Variants in NOSTRIN observed in about 807,000 individuals in gnomAD.
NOSTRIN encodes the protein BM247 homolog.
Under a neutral mutation model 59.0 loss-of-function variants are expected in NOSTRIN, and 63 were observed. That is an observed-to-expected ratio of 1.07 (90% CI 0.87 to 1.32). The LOEUF is 1.32. Ranked by LOEUF, NOSTRIN falls within the 40% of genes most tolerant of loss-of-function variation. NOSTRIN has a pLI of 0.00. For missense variants in NOSTRIN, 512 were observed against 473.1 expected (o/e 1.08, Z -0.76); for synonymous variants, 200 against 165.4 (o/e 1.21, Z -1.61).
chr2:168,853,267 T>C, intron 10 of NOSTRIN, among the ~76,000 whole-genome samples: 1 of 152,236 alleles, frequency 6.6e-6, no homozygotes, highest in East Asian at 1.9e-4. Flanking sequence ...ATAGTCATTG[T>C]CAATAAGTGT....
intron 4 of NOSTRIN, 30 bp from the exon 5 acceptor site, chr2:168,828,390 G>A: frequency 2.3e-6 from 2 of 867,426 alleles, no homozygotes; most frequent in Non-Finnish European, 4.0e-6. Flanking sequence ...CTGATATTAT[G>A]CTTATGTGTC....
intron 15 of NOSTRIN, chr2:168,863,561 T>A: frequency 1.0e-6 from 1 of 985,334 alleles, no homozygotes; most frequent in Non-Finnish European, 1.2e-6. Context: ...TTTATTTGAA[T>A]CATTGCTTTA....
chr2:168,820,983 G>A lies in NOSTRIN; in HGVS notation c.114-3651G>A, dbSNP rs116577451. Among the ~76,000 whole-genome samples the A allele has an allele frequency of 5.4e-3, 824 of 152,318 alleles. 12 individuals are homozygous for A. The highest frequency in any genetic ancestry group is 0.019 in the African/African-American group (770 of 41,572). On this transcript the variant is annotated intron_variant, in intron 2 of 15. Coordinates refer to ENST00000317647, the MANE Select transcript of NOSTRIN (RefSeq NM_001039724.4). ...TTCCTGTTAAAAACCATTCAGGATT[G>A]TTCTGGAGCCAACGGACAAGAAAAC...
At chr2:168,814,579 A>G (rs1209697687) in intron 2 of NOSTRIN, among the ~76,000 whole-genome samples, 1 of 152,252 alleles carries the variant, frequency 6.6e-6, no homozygotes, top group Non-Finnish European at 1.5e-5. Context: ...GTAATGGGAA[A>G]CCCAATAAGA....
chr2:168,811,751 G>A (rs1686147856), intron 2 of NOSTRIN, 99 bp downstream of exon 2: 8 of 550,924 alleles, frequency 1.5e-5, no homozygotes, highest in South Asian at 5.4e-5. Context: ...TTTCCAGAAT[G>A]TGGTGTTATA....
intron 1 of NOSTRIN, among the ~76,000 whole-genome samples, chr2:168,802,883 C>T (rs1685666816): frequency 1.3e-5 from 2 of 152,200 alleles, no homozygotes. Context: ...TAATTGTCAT[C>T]TTTCCTTCTC....
At chr2:168,863,705 G>T (rs534771) in intron 15 of NOSTRIN, 793,072 of 955,926 alleles carry the variant, frequency 0.83, 329,413 homozygotes, top group South Asian at 0.9. Context: ...TGAAATCAGG[G>T]ATAATGCAGA....
At chr2:168,859,307 A>T in intron 12 of NOSTRIN, 1 of 601,174 alleles carries the variant, frequency 1.7e-6, no homozygotes, top group East Asian at 3.2e-5. Context: ...AATGAGACAC[A>T]CTCAACAACT....
intron 5 of NOSTRIN, among the ~76,000 whole-genome samples, chr2:168,830,561 T>G (rs570956018): frequency 6.6e-6 from 1 of 152,354 alleles, no homozygotes; most frequent in East Asian, 1.9e-4. Context: ...GAATAACGGC[T>G]GATCTGCTGG....
upstream of NOSTRIN, among the ~76,000 whole-genome samples, chr2:168,794,621 G>A (rs55799749): frequency 0.084 from 12,837 of 152,236 alleles, 690 homozygotes; most frequent in Middle Eastern, 0.12. Context: ...AAAGTGCTAG[G>A]CTTACAGGCG....
intron 11 of NOSTRIN, chr2:168,855,772 G>A: frequency 2.4e-6 from 1 of 413,308 alleles, no homozygotes; most frequent in Non-Finnish European, 4.5e-6. Flanking sequence ...TAATGTGTTT[G>A]GTTTAAAACA....
chr2:168,820,684 G>A (rs1179150354), intron 2 of NOSTRIN, among the ~76,000 whole-genome samples: 6 of 145,532 alleles, frequency 4.1e-5, no homozygotes, highest in African/African-American at 2.6e-5. Flanking sequence ...AGAGAAAGCC[G>A]GCAGAAACAC....
chr2:168,827,356 T>G (rs1687113701), intron 3 of NOSTRIN, among the ~76,000 whole-genome samples: 1 of 152,164 alleles, frequency 6.6e-6, no homozygotes. Context: ...ATTAACTATC[T>G]GAGCTGTTGT....
chr2:168,828,141 C>CT lies in NOSTRIN; in HGVS notation c.198-9dup, dbSNP rs754502890. ...AAATGACACTCACCTTTGTTCCCCA[C>CT]TTTTTTTTGCCTTTAGTTGTGTTAG... On this transcript the variant is annotated splice_polypyrimidine_tract_variant and intron_variant, in intron 3 of 15. Coordinates refer to ENST00000317647, the MANE Select transcript of NOSTRIN (RefSeq NM_001039724.4). The CT allele has an allele frequency of 1.1e-4, 97 of 870,806 alleles. No homozygotes were observed. The highest frequency in any genetic ancestry group is 1.1e-3 in the African/African-American group (66 of 61,286). 53.9% of individuals were successfully genotyped at this position (870,806 alleles called of 1,614,324 possible).
upstream of NOSTRIN, among the ~76,000 whole-genome samples, chr2:168,800,516 G>T (rs1038049800): frequency 6.6e-6 from 1 of 152,134 alleles, no homozygotes; most frequent in Non-Finnish European, 1.5e-5. Flanking sequence ...AAGATGGAAG[G>T]ATTTTAATTC....
At chr2:168,824,028 T>C (rs916688615) in intron 2 of NOSTRIN, among the ~76,000 whole-genome samples, 3 of 152,158 alleles carry the variant, frequency 2.0e-5, no homozygotes, top group African/African-American at 7.2e-5. Flanking sequence ...TGAGCCAAGA[T>C]TGTGCCATTG....
intron 15 of NOSTRIN, chr2:168,863,404 A>C (rs1689606970): frequency 1.0e-6 from 1 of 984,688 alleles, no homozygotes; most frequent in African/African-American, 1.7e-5. Flanking sequence ...AAAAGAGTGA[A>C]AGGAAGACTG....
intron 2 of NOSTRIN, chr2:168,788,087 G>T (rs917511790): frequency 6.6e-6 from 1 of 151,898 alleles, no homozygotes; most frequent in Non-Finnish European, 1.5e-5. Flanking sequence ...AAATAGTAAC[G>T]ATGACAGCCA....
intron 9 of NOSTRIN, 47 bp downstream of exon 9, chr2:168,851,229 G>A: frequency 1.2e-6 from 2 of 1,613,928 alleles, no homozygotes; most frequent in Non-Finnish European, 1.7e-6. Context: ...GGTAAGAAGG[G>A]GCAGAAACCT....
Sources: allele counts gnomAD v4.1 joint callset (sites outside exome capture counted in the v4.1 genomes callset), GRCh38; gene constraint gnomAD v4.1.1; transcripts MANE v1.5; gene names NCBI Gene and HGNC (gene_info 2026-07-23, HGNC 2026-07-21).